SGCD: variants seen among roughly 807,000 people sequenced by gnomAD.
The protein encoded by SGCD is delta-sarcoglycan.
In SGCD, 18 loss-of-function variants were observed where a neutral mutation model predicts 36.6. That is an observed-to-expected ratio of 0.49 (90% CI 0.34 to 0.73). The LOEUF is 0.73. Among genes scored for constraint, SGCD ranks in the 30% least tolerant of loss-of-function variants. The pLI is 0.01. For synonymous variants in SGCD, 133 were observed against 130.6 expected, an observed-to-expected ratio of 1.02 and a Z score of -0.12; for missense variants, 387 against 346.7, an observed-to-expected ratio of 1.12 and a Z score of -0.92.
the SGCD span, among the ~76,000 whole-genome samples, chr5:155,746,821 T>A: frequency 5.9e-5 from 9 of 152,292 alleles, no homozygotes; most frequent in African/African-American, 2.2e-4. Flanking sequence ...TGTGCCTGTG[T>A]ATCTCTTAGG....
intron 7 of SGCD, among the ~76,000 whole-genome samples, chr5:156,670,340 T>C (rs1173937147): frequency 6.6e-6 from 1 of 152,184 alleles, no homozygotes; most frequent in Non-Finnish European, 1.5e-5. Context: ...AATAGAGTAA[T>C]GTGATTTTAT....
chr5:155,909,331 T>C (rs1756584985), intron 1 of SGCD, among the ~76,000 whole-genome samples: 2 of 152,170 alleles, frequency 1.3e-5, no homozygotes, highest in Admixed American at 6.6e-5. Context: ...ATGGAAAATA[T>C]GCATTTTCTA....
intron 1 of SGCD, among the ~76,000 whole-genome samples, chr5:155,914,823 G>A (rs1239521185): frequency 6.6e-6 from 1 of 152,148 alleles, no homozygotes; most frequent in Non-Finnish European, 1.5e-5. Flanking sequence ...ACCCAGCAGT[G>A]AACATGATTA....
At chr5:156,499,815 G>A (rs1756368912) in intron 3 of SGCD, among the ~76,000 whole-genome samples, 1 of 152,174 alleles carries the variant, frequency 6.6e-6, no homozygotes, top group Non-Finnish European at 1.5e-5. Context: ...AAGTGTTAAT[G>A]TCTGAGGAGC....
intron 3 of SGCD, among the ~76,000 whole-genome samples, chr5:156,441,873 G>T (rs985684694): frequency 1.3e-5 from 2 of 152,254 alleles, no homozygotes; most frequent in East Asian, 3.9e-4. Context: ...GTTGCTCAGA[G>T]TCACCTGAGG....
intron 1 of SGCD, among the ~76,000 whole-genome samples, chr5:155,943,404 C>T (rs1415161397): frequency 6.6e-6 from 1 of 151,920 alleles, no homozygotes; most frequent in Admixed American, 6.6e-5. Flanking sequence ...AAGAATCTAC[C>T]CTGGGAGTCT....
intron 3 of SGCD, among the ~76,000 whole-genome samples, chr5:156,269,140 G>A (rs1003601082): frequency 6.6e-6 from 1 of 151,954 alleles, no homozygotes; most frequent in Non-Finnish European, 1.5e-5. Context: ...AAAGAAAAAT[G>A]AAGAGGAAGC....
chr5:156,570,039 G>C lies in SGCD; in HGVS notation c.295-19192G>C, dbSNP rs553365209. On this transcript the variant is annotated intron_variant, in intron 4 of 8. Coordinates refer to ENST00000337851, the MANE Select transcript of SGCD (RefSeq NM_000337.6). ...ACATAATCTGTGTTGAATTTGAAAA[G>C]GATTACCTGACTGCTCTGAGGATAA... Among the ~76,000 whole-genome samples, 3 of 152,210 alleles carry C rather than the reference G, an allele frequency of 2.0e-5. No homozygotes were observed. In the South Asian group the frequency reaches 6.2e-4, roughly 32 times the overall value.
chr5:155,886,598 C>A (rs1431483609), intron 1 of SGCD, among the ~76,000 whole-genome samples: 6 of 152,084 alleles, frequency 3.9e-5, no homozygotes, highest in African/African-American at 7.2e-5. Flanking sequence ...GGCAGATAAT[C>A]CAGATGATAT....
Position 156,286,208 on chromosome 5 carries a change from A to G in SGCD, c.-43-43326A>G, listed in dbSNP as rs188280903. 3.9e-3 allele frequency among the ~76,000 whole-genome samples: 595 copies of G among 152,266 alleles called. 1 individual carries two copies. Among genetic ancestry groups the G allele is most frequent in the African/African-American group, 0.014 (564 of 41,562 alleles). On this transcript the variant is annotated intron_variant, in intron 3 of 9. Coordinates refer to the SGCD transcript ENST00000517913. ...AGAGAGGATGTGGAGAAATAGGAACACTTTTATACTGTTGATGGGACTGTA... is the reference window on the plus strand; with the variant it reads ...AGAGAGGATGTGGAGAAATAGGAACGCTTTTATACTGTTGATGGGACTGTA...
At chr5:156,390,751 G>A (rs777732298) in intron 3 of SGCD, among the ~76,000 whole-genome samples, 1 of 151,902 alleles carries the variant, frequency 6.6e-6, no homozygotes, top group Non-Finnish European at 1.5e-5. Context: ...AAAGTTTAAT[G>A]CATATGAAAA....
At position 155,936,934 on chromosome 5, in the gene SGCD, G is replaced by A. The variant is rs578067765; in HGVS notation, c.-282+66510G>A. Among the ~76,000 whole-genome samples the A allele has an allele frequency of 1.6e-3, 246 of 152,294 alleles. 1 individual carries two copies. Among genetic ancestry groups the A allele is most frequent in the African/African-American group, 5.8e-3 (243 of 41,576 alleles). On this transcript the variant is annotated intron_variant, in intron 1 of 9. Transcript: ENST00000517913. ...GCCATGTCAGCACGGCCCCGGGTGT[G>A]CGCACACCTGGCCAGGCTGCAACAG...
intron 1 of SGCD, among the ~76,000 whole-genome samples, chr5:155,947,108 AT>A (rs1174644977): frequency 2.6e-5 from 4 of 152,180 alleles, no homozygotes; most frequent in African/African-American, 9.6e-5. Flanking sequence ...GGAAGCATGG[AT>A]GGACATTCAA....
At chr5:156,397,054 A>C (rs1771894011) in intron 3 of SGCD, among the ~76,000 whole-genome samples, 1 of 152,196 alleles carries the variant, frequency 6.6e-6, no homozygotes, top group Admixed American at 6.5e-5. Flanking sequence ...AAAGGGTCAC[A>C]AAGGAGCCCT....
At chr5:155,984,989 T>C (rs1758302011) in intron 1 of SGCD, among the ~76,000 whole-genome samples, 1 of 152,242 alleles carries the variant, frequency 6.6e-6, no homozygotes, top group Non-Finnish European at 1.5e-5. Context: ...GTGGAGTAGT[T>C]GAGGTGCTCC....
intron 1 of SGCD, among the ~76,000 whole-genome samples, chr5:156,005,439 T>C (rs915853194): frequency 1.0e-5 from 1 of 97,168 alleles, no homozygotes; most frequent in African/African-American, 2.7e-5. Flanking sequence ...TTGTTGTTGT[T>C]GTTGTTGTTG....
At chr5:156,341,040 G>A (rs1768625833) in intron 2 of SGCD, among the ~76,000 whole-genome samples, 1 of 152,132 alleles carries the variant, frequency 6.6e-6, no homozygotes, top group Non-Finnish European at 1.5e-5. Flanking sequence ...TTGGAGACTG[G>A]AGTATTCTGT....
upstream of SGCD, among the ~76,000 whole-genome samples, chr5:156,326,077 C>A (rs1412050299): frequency 1.3e-5 from 2 of 152,138 alleles, no homozygotes; most frequent in African/African-American, 4.8e-5. Flanking sequence ...AGAAACAGTT[C>A]AAAACAAATG....
chr5:156,130,585 T>C (rs926144595), intron 3 of SGCD, among the ~76,000 whole-genome samples: 1 of 152,226 alleles, frequency 6.6e-6, no homozygotes, highest in African/African-American at 2.4e-5. Context: ...CAGAATGGTA[T>C]TGCCTAAGTT....
Sources: gnomAD v4.1 joint callset for allele counts (sites outside exome capture counted in the v4.1 genomes callset) on GRCh38, gnomAD v4.1.1 for gene constraint, MANE v1.5 for transcripts, NCBI Gene and HGNC (gene_info 2026-07-23, HGNC 2026-07-21) for gene names.